The following SV2B variants were observed in gnomAD, a reference collection of about 807,000 sequenced individuals.
The protein encoded by SV2B is solute carrier family 22 member B2.
Under a neutral mutation model 73.9 loss-of-function variants are expected in SV2B, and 41 were observed. That is an observed-to-expected ratio of 0.56 (90% CI 0.43 to 0.72). SV2B has a LOEUF of 0.72. Ranked by LOEUF, SV2B falls within the 30% of genes least tolerant of loss-of-function variation. SV2B has a pLI of 0.00. For synonymous variants in SV2B, 314 were observed against 314.2 expected, an observed-to-expected ratio of 1.00 and a Z score of 0.01; for missense variants, 764 against 857.8, an observed-to-expected ratio of 0.89 and a Z score of 1.37.
At chr15:91,157,231 C>A (rs975485773) in intron 1 of SV2B, among the ~76,000 whole-genome samples, 2 of 152,156 alleles carry the variant, frequency 1.3e-5, no homozygotes, top group Non-Finnish European at 2.9e-5. Flanking sequence ...GGAGTCAAAT[C>A]ACTTGGGATG....
intron 1 of SV2B, among the ~76,000 whole-genome samples, chr15:91,179,325 T>C (rs4496113): frequency 0.31 from 47,352 of 151,916 alleles, 8,154 homozygotes; most frequent in East Asian, 0.7. Context: ...ATGTGGTCAA[T>C]TTTGGAATAG....
chr15:91,172,217 C>G (rs749065177), intron 1 of SV2B, among the ~76,000 whole-genome samples: 3 of 152,244 alleles, frequency 2.0e-5, no homozygotes, highest in East Asian at 1.9e-4. Context: ...TCTCCTCCCC[C>G]TCTGCATCCC....
intron 1 of SV2B, among the ~76,000 whole-genome samples, chr15:91,125,598 C>A (rs1224355072): frequency 1.3e-5 from 2 of 151,400 alleles, no homozygotes; most frequent in African/African-American, 4.9e-5. Context: ...ATGGCAAAAC[C>A]CTGTCACTAC....
rs1336286463 is a variant in SV2B at position 91,283,781 on chromosome 15, T to G, written c.1508-240T>G. Among the ~76,000 whole-genome samples, 1 of 152,160 alleles carries G rather than the reference T, an allele frequency of 6.6e-6. No homozygotes were observed. The highest frequency in any genetic ancestry group is 2.4e-5 in the African/African-American group (1 of 41,442). ...GAGGATGCATTTTGAAGTCTCTCAA[T>G]GTTAGTTTAATTTCCCCTTGCTTTT... is the stretch of plus-strand genomic sequence containing the variant. On this transcript the variant is annotated intron_variant, in intron 10 of 12. Coordinates refer to ENST00000394232, the MANE Select transcript of SV2B (RefSeq NM_001323032.3). The surrounding 1 kb of genome is among the most constrained non-coding windows in gnomAD (Gnocchi z 4.3).
intron 1 of SV2B, among the ~76,000 whole-genome samples, chr15:91,175,252 T>C (rs983242635): frequency 4.0e-5 from 6 of 150,786 alleles, no homozygotes; most frequent in African/African-American, 1.5e-4. Context: ...GAGAAGACTT[T>C]CTTTTTTCTT....
Position 91,110,969 on chromosome 15 carries a change from G to C in SV2B, c.-392+10606G>C, listed in dbSNP as rs1020404326. Among the ~76,000 whole-genome samples the C allele has an allele frequency of 2.0e-5, 3 of 152,226 alleles. No individual in the cohort carries two copies. The highest frequency in any genetic ancestry group is 7.2e-5 in the African/African-American group (3 of 41,456). ...GAAACTCAAATGGGACAATGGAGAA[G>C]TAGATGAGAAAGGGTATATGAAAAC... On this transcript the variant is annotated intron_variant, in intron 1 of 12. Coordinates refer to ENST00000394232, the MANE Select transcript of SV2B (RefSeq NM_001323032.3). This position sits in a 1 kb window ranked among gnomAD's most constrained non-coding sequence, Gnocchi z 5.4.
chr15:91,262,709 A>G (rs947395501), intron 6 of SV2B, among the ~76,000 whole-genome samples: 1 of 152,166 alleles, frequency 6.6e-6, no homozygotes, highest in African/African-American at 2.4e-5. Context: ...GAGAACATGT[A>G]CTGCAAACAT....
At chr15:91,291,070 A>G (rs2049024354) in intron 12 of SV2B, among the ~76,000 whole-genome samples, 1 of 146,482 alleles carries the variant, frequency 6.8e-6, no homozygotes, top group Admixed American at 6.8e-5. Context: ...TAATACATAT[A>G]ATTAATAACA....
intron 1 of SV2B, among the ~76,000 whole-genome samples, chr15:91,126,805 C>T (rs2151752764): frequency 6.6e-6 from 1 of 152,296 alleles, no homozygotes; most frequent in Non-Finnish European, 1.5e-5. Context: ...AACCCAACAC[C>T]TTTTCATAAT....
intron 2 of SV2B, among the ~76,000 whole-genome samples, chr15:91,237,247 C>G (rs751568247): frequency 1.3e-5 from 2 of 152,152 alleles, no homozygotes; most frequent in African/African-American, 2.4e-5. Context: ...AAGTCATGCA[C>G]TATTGACATG....
rs1041869795 is a variant in SV2B at position 91,229,386 on chromosome 15, C to T, written c.451+2672C>T. On this transcript the variant is annotated intron_variant, in intron 2 of 12. Transcript: ENST00000394232. The surrounding 1 kb of genome is among the most constrained non-coding windows in gnomAD (Gnocchi z 4.3). ...ATGAGATAATGCAGGTGTAAAGCAA[C>T]CAGCGCTTGTTGCCCTCTCAACAAT... Among the ~76,000 whole-genome samples the T allele has an allele frequency of 6.6e-6, 1 of 152,126 alleles. No individual in the cohort carries two copies. The highest frequency in any genetic ancestry group is 1.5e-5 in the Non-Finnish European group (1 of 68,020).
chr15:91,250,664 C>G (rs1055626938), intron 2 of SV2B, among the ~76,000 whole-genome samples: 5 of 152,084 alleles, frequency 3.3e-5, no homozygotes, highest in Admixed American at 2.6e-4. Context: ...TTTCTATATG[C>G]TAACAATGAA....
chr15:91,135,890 T>G (rs2042808350), intron 1 of SV2B, among the ~76,000 whole-genome samples: 1 of 152,160 alleles, frequency 6.6e-6, no homozygotes, highest in African/African-American at 2.4e-5. Flanking sequence ...CTCCTAAAAC[T>G]CCTCTCTGTT....
At chr15:91,155,312 A>G (rs1596487431) in intron 1 of SV2B, among the ~76,000 whole-genome samples, 1 of 152,192 alleles carries the variant, frequency 6.6e-6, no homozygotes, top group East Asian at 1.9e-4. Context: ...TCAGGATCCT[A>G]TGCCAGTGAG....
intron 1 of SV2B, among the ~76,000 whole-genome samples, chr15:91,188,950 C>A (rs2044890475): frequency 6.6e-6 from 1 of 152,104 alleles, no homozygotes; most frequent in Admixed American, 6.5e-5. Context: ...CCTCGGCCTC[C>A]CAAATAGCTG....
Position 91,244,116 on chromosome 15 carries a change from T to A in SV2B, c.452-7703T>A, listed in dbSNP as rs191349712. 6.6e-5 allele frequency among the ~76,000 whole-genome samples: 10 copies of A among 152,356 alleles called. No individual in the cohort carries two copies. In the East Asian group the frequency reaches 1.9e-3, roughly 29 times the overall value. ...ATCAGAGATTGGGAAAGTTTACTTA[T>A]ACTTTAATAATTGTGGTCAGAGAGG... On this transcript the variant is annotated intron_variant, in intron 2 of 12. Coordinates refer to ENST00000394232, the MANE Select transcript of SV2B (RefSeq NM_001323032.3).
rs1044622327 is a variant in SV2B at position 91,297,449 on chromosome 15, G to T, written c.*4897G>T. On this transcript the variant is annotated 3_prime_UTR_variant, in exon 13 of 13. Coordinates refer to ENST00000394232, the MANE Select transcript of SV2B (RefSeq NM_001323032.3). This position sits in a 1 kb window ranked among gnomAD's most constrained non-coding sequence, Gnocchi z 5.1. ...GCTTCTTAAACTTTTGCGTGCATCA[G>T]AATCACCCAGAAAGATGTTAAAACT... is the stretch of plus-strand genomic sequence containing the variant. 2 of 152,188 alleles carry T rather than the reference G, an allele frequency of 1.3e-5. No individual in the cohort carries two copies. Among genetic ancestry groups the T allele is most frequent in the African/African-American group, 2.4e-5 (1 of 41,440 alleles). The allele number at this position is 152,188 out of a possible 1,614,324, so 9.4% of individuals were successfully genotyped here. A position where few individuals can be genotyped will look rare whatever the true frequency, so the allele number is the denominator to read the frequency against.
At chr15:91,149,368 G>A (rs2043240837) in intron 1 of SV2B, among the ~76,000 whole-genome samples, 1 of 152,228 alleles carries the variant, frequency 6.6e-6, no homozygotes, top group Non-Finnish European at 1.5e-5. Flanking sequence ...TAGTAAAACA[G>A]TTGGGTGATC....
At chr15:91,114,675 A>G (rs1410387979) in intron 1 of SV2B, among the ~76,000 whole-genome samples, 1 of 152,212 alleles carries the variant, frequency 6.6e-6, no homozygotes, top group East Asian at 1.9e-4. Context: ...CAGCAGCTTT[A>G]TGATGAGAAT....
Sources: gnomAD v4.1 joint callset for allele counts (sites outside exome capture counted in the v4.1 genomes callset) on GRCh38, gnomAD v4.1.1 for gene constraint, Gnocchi (gnomAD v3.1) non-coding constraint, MANE v1.5 for transcripts, NCBI Gene and HGNC (gene_info 2026-07-23, HGNC 2026-07-21) for gene names.